MAP9: variants seen among roughly 807,000 people sequenced by gnomAD.
MAP9 encodes the protein microtubule associated protein 9.
A neutral mutation model predicts 75.2 loss-of-function variants in MAP9; 80 were observed. The observed-to-expected ratio is 1.06, with a 90% CI of 0.89 to 1.28. The LOEUF is 1.28. Ranked by LOEUF, MAP9 falls within the 50% of genes most tolerant of loss-of-function variation. The pLI is 0.00. For missense variants in MAP9, 753 were observed against 719.9 expected (o/e 1.05, Z -0.53); for synonymous variants, 235 against 237.3 (o/e 0.99, Z 0.09).
chr4:155,366,221 T>C (rs538353036), intron 5 of MAP9, among the ~76,000 whole-genome samples: 31 of 152,022 alleles, frequency 2.0e-4, no homozygotes, highest in Non-Finnish European at 3.4e-4. Flanking sequence ...TAGCCAGGCA[T>C]GGTGGTGGGT....
chr4:155,350,247 CAA>C, intron 13 of MAP9: 1 of 454,296 alleles, frequency 2.2e-6, no homozygotes, highest in Non-Finnish European at 4.4e-6. Context: ...TATCTGCAAA[CAA>C]ATTTCAATAA....
intron 13 of MAP9, 152 bp from the exon 14 acceptor site, chr4:155,348,057 C>A: frequency 1.8e-6 from 1 of 568,136 alleles, no homozygotes; most frequent in Non-Finnish European, 3.0e-6. Flanking sequence ...CAGGTAGGGC[C>A]AGGCATGGTG....
chr4:155,368,917 T>C, intron 4 of MAP9, 105 bp from the exon 5 acceptor site: 4 of 889,978 alleles, frequency 4.5e-6, no homozygotes, highest in Non-Finnish European at 6.8e-6. Context: ...GCCCCTTTGT[T>C]CTCTGTCCTG....
Position 155,360,416 on chromosome 4 carries a change from C to G in MAP9, c.803-1G>C. 1 of 1,608,282 alleles carries G rather than the reference C, an allele frequency of 6.2e-7. No homozygotes were observed. ...TTTTCAGTGATTTCTTCATTTGGAT[C>G]TATTTTGAGACAGAGTAATAGCATT... On this transcript the variant is annotated splice_acceptor_variant, in intron 6 of 13. Transcript: ENST00000311277. LOFTEE classifies it high-confidence loss of function.
rs1365639254 is a variant in MAP9 at position 155,353,056 on chromosome 4, GC to G, written c.1543del (p.Ala515LeufsTer43). 3 of 1,534,382 alleles carry G rather than the reference GC, an allele frequency of 2.0e-6. No individual in the cohort carries two copies. The highest frequency in any genetic ancestry group is 2.6e-6 in the Non-Finnish European group (3 of 1,138,538). ...NAARKGEALQ[A>X]FEKWKEKKME... Reference sequence around the variant, plus strand: ...CTTTTTCTCTTTCCATTTTTCAAAAGCCTGAAAAAGTTCAGAATAATTTTCT... The same window carrying G: ...CTTTTTCTCTTTCCATTTTTCAAAAGCTGAAAAAGTTCAGAATAATTTTCT... On this transcript the variant is annotated frameshift_variant and splice_region_variant, in exon 12 of 14. Coordinates refer to ENST00000311277, the MANE Select transcript of MAP9 (RefSeq NM_001039580.2). LOFTEE classifies it high-confidence loss of function.
In MAP9 at chr4:155,353,031, CT is replaced by C; in HGVS notation, c.1568del (p.Lys523ArgfsTer35). ...TATTTTTCTCTTTAAGATATTCCAT[CT>C]TTTTCTCTTTCCATTTTTCAAAAGC... ...LQAFEKWKEK[K>X]MEYLKEKNRK... is the part of the protein sequence containing the mutation. On this transcript the variant is annotated frameshift_variant, in exon 12 of 14. Transcript: ENST00000311277. LOFTEE classifies it high-confidence loss of function. 6.5e-7 allele frequency: 1 copy of C among 1,536,936 alleles called. No individual in the cohort carries two copies. The highest frequency in any genetic ancestry group is 8.8e-7 in the Non-Finnish European group (1 of 1,137,828).
At chr4:155,365,104 C>A (rs765436229) in intron 5 of MAP9, among the ~76,000 whole-genome samples, 42 of 151,920 alleles carry the variant, frequency 2.8e-4, no homozygotes, top group Non-Finnish European at 2.8e-4. Flanking sequence ...CATTAAAAGG[C>A]ATAGATTGTC....
chr4:155,359,208 T>TACAC (rs747371949), intron 7 of MAP9, among the ~76,000 whole-genome samples: 7 of 89,694 alleles, frequency 7.8e-5, no homozygotes, highest in South Asian at 4.0e-4. Flanking sequence ...AGAAAATGTG[T>TACAC]ATACACACAC....
chr4:155,371,515 C>T (rs1244146496), intron 4 of MAP9, among the ~76,000 whole-genome samples: 1 of 142,806 alleles, frequency 7.0e-6, no homozygotes, highest in Admixed American at 7.0e-5. Flanking sequence ...CTGTCAAGTT[C>T]CCAAAAAGAA....
chr4:155,349,542 A>T (rs1232338871), intron 13 of MAP9: 1 of 152,050 alleles, frequency 6.6e-6, no homozygotes, highest in African/African-American at 2.4e-5. Context: ...ATTCACATGT[A>T]ACAAACAAAG....
intron 5 of MAP9, among the ~76,000 whole-genome samples, chr4:155,364,335 A>C (rs1256465053): frequency 2.0e-5 from 3 of 151,812 alleles, no homozygotes; most frequent in African/African-American, 7.2e-5. Flanking sequence ...CAAGAAATGT[A>C]AAATAAGTTT....
In MAP9 at chr4:155,348,038, A is replaced by T; in HGVS notation, c.1822-133T>A. The T allele has an allele frequency of 4.9e-6, 3 of 618,132 alleles. No homozygotes were observed. In the South Asian group the frequency reaches 7.8e-5, roughly 16 times the overall value. 38.3% of individuals were successfully genotyped at this position (618,132 alleles called of 1,614,324 possible). A position where few individuals can be genotyped will look rare whatever the true frequency, so the allele number is the denominator to read the frequency against. The stretch of plus-strand genomic sequence containing the variant: ...TCACTTCCTAGTTTAACAGATCATA[A>T]AGAAATAACAGGTAGGGCCAGGCAT... On this transcript the variant is annotated intron_variant, in intron 13 of 13. Coordinates refer to ENST00000311277, the MANE Select transcript of MAP9 (RefSeq NM_001039580.2).
rs922549913 is a variant in MAP9 at position 155,350,151 on chromosome 4, C to T, written c.1822-2246G>A. The T allele has an allele frequency of 1.5e-5, 6 of 397,140 alleles. No individual in the cohort carries two copies. In the Admixed American group the frequency reaches 1.9e-4, roughly 13 times the overall value. 24.6% of individuals were successfully genotyped at this position (397,140 alleles called of 1,614,324 possible). A position where few individuals can be genotyped will look rare whatever the true frequency, so the allele number is the denominator to read the frequency against. On this transcript the variant is annotated intron_variant, in intron 13 of 13. Coordinates refer to ENST00000311277, the MANE Select transcript of MAP9 (RefSeq NM_001039580.2). ...ACCCACCAAATGCTTACTGTTCAAA[C>T]TAGTTTGTATATAAAAAGCTTGAGA...
chr4:155,355,512 A>C (rs2111210876), intron 9 of MAP9, among the ~76,000 whole-genome samples: 1 of 152,308 alleles, frequency 6.6e-6, no homozygotes, highest in Admixed American at 6.5e-5. Flanking sequence ...TCTTTCTTTA[A>C]AAACAACTAT....
At chr4:155,348,180 C>T (rs745366116) in intron 13 of MAP9, among the ~76,000 whole-genome samples, 10 of 151,650 alleles carry the variant, frequency 6.6e-5, no homozygotes, top group Non-Finnish European at 1.5e-4. Flanking sequence ...TACAAAACAA[C>T]ACAAAAATTA....
chr4:155,372,728 T>G lies in MAP9; in HGVS notation c.481+408A>C, dbSNP rs976917328. ...GCAAAGACTGTTAGAAGGATTAGTC[T>G]CAATATTGCTGTAACTCTAATCTTT... On this transcript the variant is annotated intron_variant, in intron 4 of 13. Transcript: ENST00000311277. Among the ~76,000 whole-genome samples the G allele has an allele frequency of 3.3e-5, 5 of 152,220 alleles. No individual in the cohort carries two copies. In the East Asian group the frequency reaches 9.6e-4, roughly 29 times the overall value.
At chr4:155,370,918 A>G (rs1732565703) in intron 4 of MAP9, among the ~76,000 whole-genome samples, 1 of 152,124 alleles carries the variant, frequency 6.6e-6, no homozygotes, top group Admixed American at 6.5e-5. Flanking sequence ...ATTGCCTCAA[A>G]CTCCTAGAGG....
rs979380261 is a variant in MAP9 at position 155,369,015 on chromosome 4, G to A, written c.482-203C>T. Among the ~76,000 whole-genome samples the A allele has an allele frequency of 7.2e-5, 11 of 152,126 alleles. No individual in the cohort carries two copies. The South Asian group carries it at 1.0e-3, about 14-fold the overall frequency. On this transcript the variant is annotated intron_variant, in intron 4 of 13. Transcript: ENST00000311277. The stretch of plus-strand genomic sequence containing the variant: ...GATGGTTAATAATCAGGCCGGACGC[G>A]GTGGCTCACGCCTGTGATCCCGACA...
In MAP9 at chr4:155,368,797, A is replaced by G; in HGVS notation, c.497T>C (p.Leu166Pro). The change falls in exon 5 of 14, where the codon CTT becomes CCT. Residue 166 changes from leucine (L) to proline (P), a missense_variant. Coordinates refer to ENST00000311277, the MANE Select transcript of MAP9 (RefSeq NM_001039580.2). ...KSTSSAENNS[L>P]DTDDHFKPSP... ...TGGTTTAAAGTGATCATCTGTGTCA[A>G]GGCTGTTGTTTTCTGCTGAAAAATA... is the stretch of plus-strand genomic sequence containing the variant. 2 of 1,604,884 alleles carry G rather than the reference A, an allele frequency of 1.2e-6. No individual in the cohort carries two copies. Among genetic ancestry groups the G allele is most frequent in the Non-Finnish European group, 1.7e-6 (2 of 1,176,538 alleles).
Sources: allele counts gnomAD v4.1 joint callset (sites outside exome capture counted in the v4.1 genomes callset), GRCh38; gene constraint gnomAD v4.1.1; transcripts MANE v1.5; gene names NCBI Gene and HGNC (gene_info 2026-07-23, HGNC 2026-07-21).